Variants in PLCB1 observed in about 807,000 individuals in gnomAD.
PLCB1 encodes the protein 1-phosphatidylinositol 4,5-bisphosphate phosphodiesterase beta-1.
In PLCB1, 46 loss-of-function variants were observed where a neutral mutation model predicts 161.8. The ratio of observed to expected loss-of-function variants is 0.28; its 90% CI spans 0.22 to 0.36. The LOEUF is 0.36. Ranked by LOEUF, PLCB1 falls within the 10% of genes least tolerant of loss-of-function variation. The pLI is 1.00. For synonymous variants in PLCB1, 517 were observed against 503.7 expected (o/e 1.03, Z -0.35); for missense variants, 1,016 against 1,472.5 (o/e 0.69, Z 5.07).
intron 2 of PLCB1, among the ~76,000 whole-genome samples, chr20:8,198,135 C>G (rs939480695): frequency 3.3e-5 from 5 of 152,096 alleles, no homozygotes; most frequent in African/African-American, 1.2e-4. Context: ...ATTGACTTGA[C>G]AATGCGGGCT....
intron 2 of PLCB1, among the ~76,000 whole-genome samples, chr20:8,307,752 T>C (rs1984196959): frequency 6.6e-6 from 1 of 151,878 alleles, no homozygotes; most frequent in South Asian, 2.1e-4. Context: ...TAAAACCCTG[T>C]CTCTACTAAA....
intron 2 of PLCB1, among the ~76,000 whole-genome samples, chr20:8,180,938 AGTGTGTGT>A (rs10604975): frequency 0.28 from 41,710 of 149,590 alleles, 5,833 homozygotes; most frequent in Middle Eastern, 0.36. Context: ...ATAATGTAAA[AGTGTGTGT>A]GTGTGTGTGT....
rs1286235515 is a variant in PLCB1, at chr20:8,592,649, G to A, written c.247-35645G>A. On this transcript the variant is annotated intron_variant, in intron 3 of 31. Coordinates refer to ENST00000338037, the MANE Select transcript of PLCB1 (RefSeq NM_015192.4). ...GTGTGTTGTGCACCTGCATTTTGAC[G>A]GTGACTCGTCACATGTGATCAGGAG... Among the ~76,000 whole-genome samples, 5 of 152,194 alleles carry A rather than the reference G, an allele frequency of 3.3e-5. No homozygotes were observed. In the South Asian group the frequency reaches 8.3e-4, roughly 25 times the overall value.
intron 2 of PLCB1, among the ~76,000 whole-genome samples, chr20:8,370,218 G>A (rs1331545845): frequency 6.6e-6 from 1 of 152,194 alleles, no homozygotes; most frequent in African/African-American, 2.4e-5. Flanking sequence ...TGGTGGTAGA[G>A]TCCACTGTCT....
At chr20:8,211,282 G>C (rs532075845) in intron 2 of PLCB1, among the ~76,000 whole-genome samples, 1 of 152,196 alleles carries the variant, frequency 6.6e-6, no homozygotes, top group Non-Finnish European at 1.5e-5. Context: ...GAAAGGAGCA[G>C]GAGTAGCCAG....
chr20:8,865,980 A>G (rs758160774), intron 31 of PLCB1, among the ~76,000 whole-genome samples: 3 of 152,228 alleles, frequency 2.0e-5, no homozygotes, highest in Non-Finnish European at 2.9e-5. Flanking sequence ...CAAAGACCCT[A>G]AAGATAAAAT....
At chr20:8,278,111 T>C (rs1982668739) in intron 2 of PLCB1, among the ~76,000 whole-genome samples, 2 of 151,792 alleles carry the variant, frequency 1.3e-5, no homozygotes, top group Admixed American at 1.3e-4. Context: ...TGCAATAAAA[T>C]ATTATACAGC....
chr20:8,825,168 C>T (rs1985630030), intron 31 of PLCB1, among the ~76,000 whole-genome samples: 1 of 152,088 alleles, frequency 6.6e-6, no homozygotes, highest in Admixed American at 6.5e-5. Flanking sequence ...AGACATTGTC[C>T]CTGCTCCAGT....
At chr20:8,210,113 G>A (rs1234164511) in intron 2 of PLCB1, among the ~76,000 whole-genome samples, 1 of 152,024 alleles carries the variant, frequency 6.6e-6, no homozygotes, top group Non-Finnish European at 1.5e-5. Context: ...AATGTGAAAA[G>A]TGTAACTTTA....
At chr20:8,509,761 G>T (rs983465654) in intron 3 of PLCB1, among the ~76,000 whole-genome samples, 3 of 151,964 alleles carry the variant, frequency 2.0e-5, no homozygotes, top group Non-Finnish European at 4.4e-5. Flanking sequence ...TAGATAGATA[G>T]ATAGATAGAT....
chr20:8,716,854 C>T (rs1979343506), intron 13 of PLCB1, among the ~76,000 whole-genome samples: 1 of 152,168 alleles, frequency 6.6e-6, no homozygotes, highest in Non-Finnish European at 1.5e-5. Context: ...CAGAAATATC[C>T]TAAAGTAGCA....
At chr20:8,276,454 A>G (rs79602318) in intron 2 of PLCB1, among the ~76,000 whole-genome samples, 85 of 152,324 alleles carry the variant, frequency 5.6e-4, no homozygotes, top group Non-Finnish European at 7.9e-4. Context: ...GTGCAATTAT[A>G]TAGAAAGCAC....
intron 2 of PLCB1, among the ~76,000 whole-genome samples, chr20:8,241,589 G>A (rs1010920844): frequency 6.6e-6 from 1 of 151,892 alleles, no homozygotes; most frequent in Non-Finnish European, 1.5e-5. Flanking sequence ...AAGGAGCTGG[G>A]CTAGGCATTT....
chr20:8,237,531 A>G (rs938676155), intron 2 of PLCB1, among the ~76,000 whole-genome samples: 10 of 152,122 alleles, frequency 6.6e-5, no homozygotes, highest in African/African-American at 2.4e-4. Context: ...CAGCAAGCAT[A>G]TATTACTTTT....
chr20:8,548,055 G>A (rs1438317495), intron 3 of PLCB1, among the ~76,000 whole-genome samples: 1 of 151,536 alleles, frequency 6.6e-6, no homozygotes, highest in Non-Finnish European at 1.5e-5. Flanking sequence ...CTGGTCCAGG[G>A]ACCTCCCTTC....
chr20:8,769,943 A>G (rs1982581167), intron 26 of PLCB1, among the ~76,000 whole-genome samples: 2 of 151,622 alleles, frequency 1.3e-5, no homozygotes, highest in South Asian at 4.2e-4. Context: ...TAATAAAATC[A>G]TCTCTTTTTT....
chr20:8,623,298 C>A (rs79666356), intron 3 of PLCB1, among the ~76,000 whole-genome samples: 131 of 152,198 alleles, frequency 8.6e-4, no homozygotes, highest in Non-Finnish European at 1.6e-3. Context: ...TGGATGATCG[C>A]CTTCGTGTTT....
intron 13 of PLCB1, among the ~76,000 whole-genome samples, chr20:8,716,732 C>T (rs1979334868): frequency 6.6e-6 from 1 of 152,192 alleles, no homozygotes; most frequent in South Asian, 2.1e-4. Flanking sequence ...ACAATGTCTT[C>T]TTGGCCTGTC....
intron 3 of PLCB1, among the ~76,000 whole-genome samples, chr20:8,438,925 C>G (rs918833110): frequency 2.2e-4 from 33 of 152,196 alleles, no homozygotes; most frequent in East Asian, 1.9e-4. Context: ...TGCACATGAC[C>G]TTCAGTCACT....
Sources: allele counts gnomAD v4.1 joint callset (sites outside exome capture counted in the v4.1 genomes callset), GRCh38; gene constraint gnomAD v4.1.1; transcripts MANE v1.5; gene names NCBI Gene and HGNC (gene_info 2026-07-23, HGNC 2026-07-21).